EPHA3: variants seen among roughly 807,000 people sequenced by gnomAD.
EPHA3 encodes the protein ephrin type-A receptor 3.
Under a neutral mutation model 107.1 loss-of-function variants are expected in EPHA3, and 42 were observed. That is an observed-to-expected ratio of 0.39 (90% CI 0.31 to 0.51). The LOEUF is 0.51. Among genes scored for constraint, EPHA3 ranks in the 20% least tolerant of loss-of-function variants. The pLI is 0.78. For synonymous variants in EPHA3, 461 were observed against 424.8 expected (o/e 1.09, Z -1.05); for missense variants, 1,183 against 1,211.2 (o/e 0.98, Z 0.35).
intron 5 of EPHA3, among the ~76,000 whole-genome samples, chr3:89,359,311 A>T (rs1465475476): frequency 2.0e-5 from 3 of 151,136 alleles, no homozygotes; most frequent in African/African-American, 7.2e-5. Flanking sequence ...GTTAAGACAT[A>T]CATGTTTACA....
chr3:89,377,476 C>T (rs1708424103), intron 5 of EPHA3, among the ~76,000 whole-genome samples: 1 of 152,056 alleles, frequency 6.6e-6, no homozygotes, highest in African/African-American at 2.4e-5. Flanking sequence ...AAAAATACCA[C>T]ACTTTAGCCA....
At chr3:89,194,869 C>T (rs1215179841) in intron 2 of EPHA3, among the ~76,000 whole-genome samples, 8 of 151,862 alleles carry the variant, frequency 5.3e-5, no homozygotes, top group Admixed American at 3.9e-4. Context: ...TATACCATGC[C>T]GAACTTGAAA....
At chr3:89,144,820 AC>A (rs1208488139) in intron 2 of EPHA3, among the ~76,000 whole-genome samples, 1 of 151,680 alleles carries the variant, frequency 6.6e-6, no homozygotes, top group Admixed American at 6.6e-5. Flanking sequence ...TGATTATTAA[AC>A]TTTGGGTGTT....
At chr3:89,129,054 C>G (rs1475592097) in intron 2 of EPHA3, among the ~76,000 whole-genome samples, 2 of 152,054 alleles carry the variant, frequency 1.3e-5, no homozygotes, top group Non-Finnish European at 2.9e-5. Context: ...ACTACCAGAC[C>G]CTGCTCCAGA....
At chr3:89,165,353 C>G (rs1353392876) in intron 2 of EPHA3, among the ~76,000 whole-genome samples, 2 of 152,154 alleles carry the variant, frequency 1.3e-5, no homozygotes, top group African/African-American at 4.8e-5. Flanking sequence ...CATATATTAT[C>G]TGTATATAAA....
intron 3 of EPHA3, among the ~76,000 whole-genome samples, chr3:89,257,418 T>G (rs1705310956): frequency 6.6e-6 from 1 of 152,098 alleles, no homozygotes; most frequent in South Asian, 2.1e-4. Flanking sequence ...TCCCACTCCC[T>G]TCTCAAAACA....
At chr3:89,245,357 TTC>T (rs1202131155) in intron 3 of EPHA3, among the ~76,000 whole-genome samples, 2 of 152,238 alleles carry the variant, frequency 1.3e-5, no homozygotes, top group African/African-American at 4.8e-5. Flanking sequence ...TGATTTGTTT[TTC>T]TTTTAATGCA....
intron 2 of EPHA3, among the ~76,000 whole-genome samples, chr3:89,128,688 A>G (rs1576168913): frequency 6.7e-6 from 1 of 149,786 alleles, no homozygotes; most frequent in African/African-American, 2.4e-5. Flanking sequence ...TATACTATAT[A>G]TACTATATAC....
intron 16 of EPHA3, among the ~76,000 whole-genome samples, chr3:89,475,490 A>C (rs1272290816): frequency 6.6e-6 from 1 of 152,226 alleles, no homozygotes; most frequent in Non-Finnish European, 1.5e-5. Context: ...TTGACATGCA[A>C]GCTACTCAAG....
At chr3:89,419,154 A>T (rs753939558) in intron 10 of EPHA3, 51 bp from the exon 11 acceptor site, 1 of 1,507,650 alleles carries the variant, frequency 6.6e-7, no homozygotes, top group Admixed American at 2.3e-5. Context: ...CTACTGATGA[A>T]TTTTTATTAT....
Position 89,183,055 on chromosome 3 carries a change from C to T in EPHA3, c.154-26805C>T, listed in dbSNP as rs79410075. Reference sequence around the variant, plus strand: ...TACAAATGTGATTTTAATTTGAGGACTCGGAGAGGTAATCCTTGAAGTCAG... The same window carrying T: ...TACAAATGTGATTTTAATTTGAGGATTCGGAGAGGTAATCCTTGAAGTCAG... On this transcript the variant is annotated intron_variant, in intron 2 of 16. Transcript: ENST00000336596. Among the ~76,000 whole-genome samples the T allele has an allele frequency of 3.6e-3, 549 of 151,966 alleles. 7 individuals carry two copies. In the South Asian group the frequency reaches 0.044, roughly 12 times the overall value.
intron 3 of EPHA3, among the ~76,000 whole-genome samples, chr3:89,337,510 A>C (rs1286984798): frequency 6.6e-6 from 1 of 152,244 alleles, no homozygotes; most frequent in Non-Finnish European, 1.5e-5. Flanking sequence ...AGACATCTAC[A>C]AAAATTAAAA....
intron 5 of EPHA3, among the ~76,000 whole-genome samples, chr3:89,367,065 G>C (rs528861001): frequency 1.3e-5 from 2 of 150,362 alleles, no homozygotes; most frequent in South Asian, 4.2e-4. Context: ...CTGCAGTTGC[G>C]TTTCCACCTC....
intron 5 of EPHA3, among the ~76,000 whole-genome samples, chr3:89,355,474 A>G (rs1309053082): frequency 6.6e-6 from 1 of 151,502 alleles, no homozygotes; most frequent in Non-Finnish European, 1.5e-5. Flanking sequence ...ACAGGACAGT[A>G]GCAAAAGTCC....
intron 3 of EPHA3, among the ~76,000 whole-genome samples, chr3:89,261,977 G>A (rs1022312050): frequency 6.6e-6 from 1 of 151,722 alleles, no homozygotes; most frequent in African/African-American, 2.4e-5. Context: ...GTAAAATATT[G>A]ATATTATTTA....
chr3:89,280,453 A>G (rs11919479), intron 3 of EPHA3, among the ~76,000 whole-genome samples: 2,573 of 152,270 alleles, frequency 0.017, 80 homozygotes, highest in African/African-American at 0.058. Flanking sequence ...TCTGTCTATT[A>G]TACAGCTTAT....
At chr3:89,384,211 C>T (rs765454779) in intron 5 of EPHA3, among the ~76,000 whole-genome samples, 1 of 151,874 alleles carries the variant, frequency 6.6e-6, no homozygotes, top group Admixed American at 6.6e-5. Flanking sequence ...TCTACTTTGT[C>T]GTCTTAATTT....
At position 89,419,279 on chromosome 3, in the gene EPHA3, C is replaced by G; in HGVS notation, c.1963C>G (p.Leu655Val). The G allele has an allele frequency of 1.9e-6, 3 of 1,610,530 alleles. No homozygotes were observed. The highest frequency in any genetic ancestry group is 1.1e-5 in the South Asian group (1 of 90,970). Residue 655 changes from leucine to valine, a missense_variant, in exon 11 of 17, where the codon CTG (leucine) becomes GTG (valine). Physicochemically the swap from Leu to Val is conservative, Grantham distance 32. Coordinates refer to ENST00000336596, the MANE Select transcript of EPHA3 (RefSeq NM_005233.6). ...KKEISVAIKT[L>V]KVGYTEKQRR... ...AGAGATTTCAGTGGCCATTAAGACC[C>G]TGAAAGTTGGCTACACAGAAAAGCA...
At chr3:89,389,368 A>G (rs1290866055) in intron 5 of EPHA3, among the ~76,000 whole-genome samples, 1 of 152,232 alleles carries the variant, frequency 6.6e-6, no homozygotes, top group Non-Finnish European at 1.5e-5. Flanking sequence ...GTCATGTCTG[A>G]TTCAAAAGAA....
Sources: gnomAD v4.1 joint callset for allele counts (sites outside exome capture counted in the v4.1 genomes callset) on GRCh38, gnomAD v4.1.1 for gene constraint, MANE v1.5 for transcripts, NCBI Gene and HGNC (gene_info 2026-07-23, HGNC 2026-07-21) for gene names.